The following RANBP2 variants were observed in gnomAD, a reference collection of about 807,000 sequenced individuals.
RANBP2 encodes RAN binding protein 2, also known as E3 SUMO-protein ligase RanBP2.
RANBP2 carries 57 observed loss-of-function variants against 303.6 expected under a neutral mutation model. That is an observed-to-expected ratio of 0.19 (90% confidence interval 0.15 to 0.23). The LOEUF is 0.23. Among genes scored for constraint, RANBP2 ranks in the 10% least tolerant of loss-of-function variants. The pLI, the probability that RANBP2 is intolerant of heterozygous loss-of-function variation, is 1.00. For synonymous variants in RANBP2, 1,167 were observed against 1,301.5 expected (o/e 0.90, Z 2.23); for missense variants, 3,138 against 3,780.8 (o/e 0.83, Z 4.46).
the RANBP2 span, among the ~76,000 whole-genome samples, chr2:109,163,871 G>A: frequency 6.6e-6 from 1 of 152,186 alleles, no homozygotes; most frequent in African/African-American, 2.4e-5. Flanking sequence ...ACTATTTGTG[G>A]TTGGACCAAG....
At chr2:109,432,722 C>CA in the RANBP2 span, 1 of 1,563,258 alleles carries the variant, frequency 6.4e-7, no homozygotes. Flanking sequence ...AGGGCCTGCA[C>CA]GCCTTACCGC....
At chr2:109,187,808 C>G in the RANBP2 span, among the ~76,000 whole-genome samples, 10 of 152,242 alleles carry the variant, frequency 6.6e-5, no homozygotes, top group African/African-American at 2.2e-4. Context: ...CCCTCTGACA[C>G]CATCCTCTGC....
intron 8 of RANBP2, among the ~76,000 whole-genome samples, chr2:108,748,164 A>T (rs947855015): frequency 7.3e-5 from 11 of 151,580 alleles, no homozygotes; most frequent in African/African-American, 2.7e-4. Flanking sequence ...CTTACTGTAA[A>T]CCTATGGAAT....
chr2:109,537,964 T>TAC, the RANBP2 span, among the ~76,000 whole-genome samples: 99 of 150,890 alleles, frequency 6.6e-4, no homozygotes, highest in Non-Finnish European at 1.1e-3. Flanking sequence ...CACACACACA[T>TAC]ACACACACAC....
At chr2:109,129,941 G>A in the RANBP2 span, 1 of 1,472,712 alleles carries the variant, frequency 6.8e-7, no homozygotes, top group South Asian at 1.3e-5. Flanking sequence ...CCCGGCGGCA[G>A]CCCGCCCGCG....
At chr2:109,128,852 C>G in the RANBP2 span, 21 of 248,820 alleles carry the variant, frequency 8.4e-5, no homozygotes, top group Middle Eastern at 4.9e-4. Flanking sequence ...AGAGGTTCCC[C>G]GGAGCCCTGG....
At chr2:109,304,070 C>T in the RANBP2 span, among the ~76,000 whole-genome samples, 1 of 151,292 alleles carries the variant, frequency 6.6e-6, no homozygotes, top group East Asian at 1.9e-4. Flanking sequence ...CATTGCACTC[C>T]AGCCTGGGCA....
At chr2:109,440,635 G>A in the RANBP2 span, among the ~76,000 whole-genome samples, 2 of 152,146 alleles carry the variant, frequency 1.3e-5, no homozygotes, top group Non-Finnish European at 2.9e-5. Context: ...GACAACCAAG[G>A]ACTGATTCAT....
the RANBP2 span, among the ~76,000 whole-genome samples, chr2:109,632,926 A>G: frequency 6.6e-6 from 1 of 151,972 alleles, no homozygotes; most frequent in African/African-American, 2.4e-5. Flanking sequence ...TCAGTTCCCA[A>G]CTCTTACCAG....
At chr2:108,815,884 CT>C in the RANBP2 span, 3 of 1,429,464 alleles carry the variant, frequency 2.1e-6, no homozygotes, top group Non-Finnish European at 2.9e-6. Flanking sequence ...TAAGGTTTGT[CT>C]TTGAAGTTTT....
chr2:109,128,964 C>T, the RANBP2 span: 3 of 420,418 alleles, frequency 7.1e-6, no homozygotes, highest in Admixed American at 7.9e-5. Context: ...TGACCGTGAC[C>T]TCCGCGCGCA....
At chr2:108,791,028 C>T in the RANBP2 span, among the ~76,000 whole-genome samples, 4 of 152,112 alleles carry the variant, frequency 2.6e-5, no homozygotes, top group African/African-American at 9.7e-5. Context: ...TCCCAAAGTG[C>T]TGAGATCACA....
At chr2:109,616,129 T>A in the RANBP2 span, 1 of 1,425,458 alleles carries the variant, frequency 7.0e-7, no homozygotes, top group Non-Finnish European at 9.2e-7. Flanking sequence ...TACTAGGTGT[T>A]GTAAGGAAGT....
chr2:109,061,452 C>T, the RANBP2 span, among the ~76,000 whole-genome samples: 1 of 152,010 alleles, frequency 6.6e-6, no homozygotes, highest in Non-Finnish European at 1.5e-5. Context: ...TGTGTGCTTG[C>T]TTGGTGGGTT....
chr2:108,891,456 A>G, the RANBP2 span, among the ~76,000 whole-genome samples: 3 of 152,172 alleles, frequency 2.0e-5, no homozygotes, highest in African/African-American at 7.2e-5. Flanking sequence ...GGCATCCATG[A>G]TTTCCCCACT....
At chr2:109,105,166 A>G in the RANBP2 span, among the ~76,000 whole-genome samples, 1 of 152,228 alleles carries the variant, frequency 6.6e-6, no homozygotes, top group African/African-American at 2.4e-5. Context: ...AGCTGTGATC[A>G]AGCCACTTCC....
At chr2:109,735,262 T>A in the RANBP2 span, among the ~76,000 whole-genome samples, 1 of 152,336 alleles carries the variant, frequency 6.6e-6, no homozygotes, top group African/African-American at 2.4e-5. Context: ...CATGTGGTAT[T>A]TATCTTTCTG....
At chr2:108,906,959 A>G in the RANBP2 span, among the ~76,000 whole-genome samples, 31 of 150,918 alleles carry the variant, frequency 2.1e-4, no homozygotes, top group South Asian at 6.5e-3. Flanking sequence ...CATTTTTGCC[A>G]TCAGTGATGT....
At chr2:108,911,019 T>C in the RANBP2 span, 2 of 1,614,060 alleles carry the variant, frequency 1.2e-6, no homozygotes, top group Non-Finnish European at 1.7e-6. Context: ...ATGATGAAGA[T>C]GGTGGACATT....
Sources: gnomAD v4.1 joint callset for allele counts (sites outside exome capture counted in the v4.1 genomes callset) on GRCh38, gnomAD v4.1.1 for gene constraint, MANE v1.5 for transcripts, NCBI Gene and HGNC (gene_info 2026-07-23, HGNC 2026-07-21) for gene names.